NR3C1: variants seen among roughly 807,000 people sequenced by gnomAD.
NR3C1 encodes the protein glucocorticoid receptor.
A neutral mutation model predicts 74.0 loss-of-function variants in NR3C1; 14 were observed. The ratio of observed to expected loss-of-function variants is 0.19; its 90% CI spans 0.12 to 0.30. NR3C1 has a LOEUF of 0.30. Among genes scored for constraint, NR3C1 ranks in the 10% least tolerant of loss-of-function variants. The pLI is 1.00. For missense variants in NR3C1, 695 were observed against 909.8 expected (o/e 0.76, Z 3.04); for synonymous variants, 308 against 332.5 (o/e 0.93, Z 0.80).
chr5:143,335,710 T>C (rs555451006), intron 2 of NR3C1, among the ~76,000 whole-genome samples: 5 of 152,384 alleles, frequency 3.3e-5, no homozygotes, highest in Non-Finnish European at 5.9e-5. Flanking sequence ...CCTATGTCAA[T>C]AGATATTTTA....
chr5:143,369,264 C>T (rs1833827441), intron 2 of NR3C1, among the ~76,000 whole-genome samples: 1 of 152,094 alleles, frequency 6.6e-6, no homozygotes, highest in Non-Finnish European at 1.5e-5. Flanking sequence ...AATGATACAG[C>T]CACTGTAGAA....
At chr5:143,408,194 GCAGTTAAAAGC>G (rs1841178499), upstream of NR3C1, among the ~76,000 whole-genome samples, 1 of 152,090 alleles carries the variant, frequency 6.6e-6, no homozygotes, top group African/African-American at 2.4e-5. Context: ...ATATAGTGTA[GCAGTTAAAAGC>G]CAGACTATAA....
chr5:143,424,119 G>A (rs1023187471), intron 1 of NR3C1, among the ~76,000 whole-genome samples: 2 of 151,728 alleles, frequency 1.3e-5, no homozygotes, highest in African/African-American at 2.4e-5. Context: ...GCTAGATGAC[G>A]AGTTAATGGG....
chr5:143,393,029 G>C (rs971750100), intron 2 of NR3C1, among the ~76,000 whole-genome samples: 103 of 152,146 alleles, frequency 6.8e-4, no homozygotes, highest in African/African-American at 2.4e-3. Flanking sequence ...AAAAATTAGG[G>C]GGTAGAATTA....
intron 1 of NR3C1, 23 bp downstream of exon 1, chr5:143,403,188 C>T (rs1476400915): frequency 2.0e-6 from 2 of 984,952 alleles, no homozygotes; most frequent in Non-Finnish European, 1.2e-6. Flanking sequence ...CGCGCCCCGG[C>T]CCCCTCCCGC....
At chr5:143,299,318 A>AG (rs1374701054) in intron 5 of NR3C1, among the ~76,000 whole-genome samples, 1 of 148,894 alleles carries the variant, frequency 6.7e-6, no homozygotes, top group Non-Finnish European at 1.5e-5. Context: ...CCAGCCCCCT[A>AG]GGTGCTTTTT....
intron 2 of NR3C1, among the ~76,000 whole-genome samples, chr5:143,384,854 G>A (rs1004280472): frequency 3.9e-5 from 6 of 152,188 alleles, no homozygotes; most frequent in African/African-American, 1.2e-4. Context: ...CTCTTCTCAC[G>A]GCTCCACTAG....
intron 2 of NR3C1, among the ~76,000 whole-genome samples, chr5:143,329,901 A>G (rs1302082771): frequency 6.6e-6 from 1 of 152,168 alleles, no homozygotes; most frequent in Non-Finnish European, 1.5e-5. Context: ...ATAATTAAAT[A>G]TCAGTCAAAA....
intron 2 of NR3C1, among the ~76,000 whole-genome samples, chr5:143,354,150 AAG>A (rs1830695326): frequency 6.6e-6 from 1 of 152,206 alleles, no homozygotes; most frequent in Non-Finnish European, 1.5e-5. Flanking sequence ...CATAGAATTG[AAG>A]AGAGTTAAGC....
chr5:143,298,063 C>T (rs1817693818), intron 6 of NR3C1, among the ~76,000 whole-genome samples: 1 of 152,164 alleles, frequency 6.6e-6, no homozygotes, highest in Non-Finnish European at 1.5e-5. Flanking sequence ...GAGGAAACAA[C>T]TGCAATGAGG....
chr5:143,379,506 T>C (rs1408001400), intron 2 of NR3C1, among the ~76,000 whole-genome samples: 1 of 152,164 alleles, frequency 6.6e-6, no homozygotes, highest in Admixed American at 6.5e-5. Flanking sequence ...TAAATACACC[T>C]GATTCCTACA....
At chr5:143,337,917 T>C (rs952042375) in intron 2 of NR3C1, among the ~76,000 whole-genome samples, 2 of 152,200 alleles carry the variant, frequency 1.3e-5, no homozygotes, top group South Asian at 4.1e-4. Context: ...ATAGGATTTG[T>C]AAACTTATAT....
chr5:143,345,280 G>C (rs994923146), intron 2 of NR3C1, among the ~76,000 whole-genome samples: 3 of 152,172 alleles, frequency 2.0e-5, no homozygotes, highest in African/African-American at 7.2e-5. Flanking sequence ...CACAATCTCG[G>C]CTTACTGCAA....
intron 2 of NR3C1, among the ~76,000 whole-genome samples, chr5:143,396,086 A>G (rs930711299): frequency 6.6e-6 from 1 of 151,894 alleles, no homozygotes; most frequent in African/African-American, 2.4e-5. Context: ...GAATTATGTT[A>G]CCAATTATAA....
chr5:143,351,629 T>C (rs1830240893), intron 2 of NR3C1, among the ~76,000 whole-genome samples: 1 of 152,176 alleles, frequency 6.6e-6, no homozygotes, highest in African/African-American at 2.4e-5. Flanking sequence ...AAAAAAATGG[T>C]GTTTTAGCAT....
At chr5:143,328,652 T>A (rs2151687173) in intron 2 of NR3C1, among the ~76,000 whole-genome samples, 1 of 152,338 alleles carries the variant, frequency 6.6e-6, no homozygotes, top group Non-Finnish European at 1.5e-5. Context: ...GCTTTCAGAA[T>A]CAGCCAAGTC....
intron 2 of NR3C1, among the ~76,000 whole-genome samples, chr5:143,358,058 C>T (rs1335697428): frequency 1.3e-5 from 2 of 152,198 alleles, no homozygotes; most frequent in African/African-American, 2.4e-5. Flanking sequence ...ATGCCTTGAT[C>T]GTTAAGTTAT....
chr5:143,299,639 TA>T, intron 5 of NR3C1, among the ~76,000 whole-genome samples: 1 of 152,366 alleles, frequency 6.6e-6, no homozygotes, highest in African/African-American at 2.4e-5. Context: ...AGGTGATGGA[TA>T]TCCCAGTTAC....
At chr5:143,373,032 ATG>A (rs1421342091) in intron 2 of NR3C1, among the ~76,000 whole-genome samples, 1 of 152,228 alleles carries the variant, frequency 6.6e-6, no homozygotes, top group African/African-American at 2.4e-5. Context: ...AAATTATTAA[ATG>A]GCACCAAGAA....
Sources: allele counts gnomAD v4.1 joint callset (sites outside exome capture counted in the v4.1 genomes callset), GRCh38; gene constraint gnomAD v4.1.1; transcripts MANE v1.5; gene names NCBI Gene and HGNC (gene_info 2026-07-23, HGNC 2026-07-21).